RUNX2: variants seen among roughly 807,000 people sequenced by gnomAD.
RUNX2 encodes the protein RUNX family transcription factor 2.
Under a neutral mutation model 51.7 loss-of-function variants are expected in RUNX2, and 10 were observed. The observed-to-expected ratio is 0.19, with a 90% CI of 0.12 to 0.33. RUNX2 has a LOEUF of 0.33. RUNX2 is among the 10% of genes least tolerant of loss of function. The pLI is 1.00. For synonymous variants in RUNX2, 276 were observed against 273.6 expected (o/e 1.01, Z -0.09); for missense variants, 562 against 691.3 (o/e 0.81, Z 2.10).
chr6:45,476,487 A>G (rs928621631), intron 5 of RUNX2, among the ~76,000 whole-genome samples: 23 of 152,228 alleles, frequency 1.5e-4, no homozygotes, highest in Admixed American at 1.4e-3. Flanking sequence ...ACGAGAACAA[A>G]TTTTGCCTAC....
rs183378946 is a variant in RUNX2 at position 45,489,583 on chromosome 6, C to G, written c.686-2358C>G. On this transcript the variant is annotated intron_variant, in intron 5 of 8. Coordinates refer to ENST00000647337, the MANE Select transcript of RUNX2 (RefSeq NM_001024630.4). ...AGCCCTCCCCTCAGCCCTCAGGGAACCTGCCATTCCAAAAATATGGCCTAT... is the reference window on the plus strand; with the variant it reads ...AGCCCTCCCCTCAGCCCTCAGGGAAGCTGCCATTCCAAAAATATGGCCTAT... Among the ~76,000 whole-genome samples the G allele has an allele frequency of 2.3e-4, 35 of 152,342 alleles. 1 individual carries two copies. The East Asian group carries it at 4.1e-3, about 18-fold the overall frequency.
intron 2 of RUNX2, among the ~76,000 whole-genome samples, chr6:45,414,754 CTTTTTTTTTTTTT>C (rs34672680): frequency 3.0e-4 from 10 of 33,428 alleles, no homozygotes; most frequent in Admixed American, 1.9e-3. Flanking sequence ...CAGATCCTGG[CTTTTTTTTTTTTT>C]TTTTTTTTTT....
At chr6:45,335,734 A>C (rs1182802475) in intron 2 of RUNX2, among the ~76,000 whole-genome samples, 1 of 151,296 alleles carries the variant, frequency 6.6e-6, no homozygotes, top group African/African-American at 2.4e-5. Flanking sequence ...TTAAGACACC[A>C]TGAAGTAATC....
At chr6:45,431,769 C>G (rs571087216) in intron 3 of RUNX2, 94 bp from the exon 4 acceptor site, 1 of 1,411,748 alleles carries the variant, frequency 7.1e-7, no homozygotes, top group South Asian at 1.2e-5. Flanking sequence ...AACACTAAGT[C>G]CTGATAAGAC....
intron 7 of RUNX2, among the ~76,000 whole-genome samples, chr6:45,534,111 T>G (rs1288994326): frequency 6.6e-6 from 1 of 151,996 alleles, no homozygotes; most frequent in Non-Finnish European, 1.5e-5. Flanking sequence ...GTCAGGCTGG[T>G]CTCAAACTCC....
At chr6:45,422,396 T>C (rs1387308055) in intron 2 of RUNX2, 197 bp from the exon 3 acceptor site, 4 of 597,954 alleles carry the variant, frequency 6.7e-6, no homozygotes, top group Non-Finnish European at 1.2e-5. Context: ...CCAGACTCTG[T>C]TGGCCCATCA....
intron 7 of RUNX2, among the ~76,000 whole-genome samples, chr6:45,524,059 T>C (rs1043173683): frequency 1.3e-5 from 2 of 152,228 alleles, no homozygotes; most frequent in Admixed American, 1.3e-4. Context: ...TTCAAAGTCA[T>C]TTGTGGACAA....
At chr6:45,395,535 A>C (rs1328721639) in intron 2 of RUNX2, among the ~76,000 whole-genome samples, 2 of 152,240 alleles carry the variant, frequency 1.3e-5, no homozygotes, top group Non-Finnish European at 2.9e-5. Context: ...TAAAATAAGA[A>C]CATATAACAA....
intron 5 of RUNX2, among the ~76,000 whole-genome samples, chr6:45,470,728 C>T (rs949146989): frequency 6.6e-6 from 1 of 152,180 alleles, no homozygotes; most frequent in African/African-American, 2.4e-5. Flanking sequence ...CTTTTTGTAG[C>T]ACCATGATTG....
At chr6:45,333,501 AC>A (rs1349596328) in intron 2 of RUNX2, among the ~76,000 whole-genome samples, 1 of 151,570 alleles carries the variant, frequency 6.6e-6, no homozygotes, top group African/African-American at 2.4e-5. Flanking sequence ...AAGATTTGGA[AC>A]AGTGTTGAGT....
chr6:45,538,819 G>T (rs1470588568), intron 7 of RUNX2, among the ~76,000 whole-genome samples: 4 of 152,062 alleles, frequency 2.6e-5, no homozygotes, highest in African/African-American at 9.7e-5. Flanking sequence ...ACAGACGTGT[G>T]CATGGGCTGG....
intron 2 of RUNX2, among the ~76,000 whole-genome samples, chr6:45,382,125 G>C (rs144134321): frequency 6.6e-6 from 1 of 152,100 alleles, no homozygotes; most frequent in African/African-American, 2.4e-5. Flanking sequence ...AGTTGTTCCC[G>C]TTCCCATGGA....
rs542690850 is a variant in RUNX2, at chr6:45,346,502, TCTTA to T, written c.58+17722_58+17725del. 6.4e-4 allele frequency among the ~76,000 whole-genome samples: 97 copies of T among 151,934 alleles called. 2 individuals are homozygous for T. The highest frequency in any genetic ancestry group is 1.9e-3 in the South Asian group (9 of 4,808). ...TACACAAGAATTCCCTCTCTCCCAC[TCTTA>T]CTTTCTTTTCACATCATCTAGCCAA... On this transcript the variant is annotated intron_variant, in intron 2 of 8. Coordinates refer to ENST00000647337, the MANE Select transcript of RUNX2 (RefSeq NM_001024630.4).
chr6:45,431,310 TA>T (rs1299306785), intron 3 of RUNX2, among the ~76,000 whole-genome samples: 1 of 152,174 alleles, frequency 6.6e-6, no homozygotes, highest in Non-Finnish European at 1.5e-5. Context: ...TATACTTTAT[TA>T]AAAGCTGAAG....
At chr6:45,348,928 T>C (rs1791476108) in intron 2 of RUNX2, among the ~76,000 whole-genome samples, 1 of 152,172 alleles carries the variant, frequency 6.6e-6, no homozygotes. Context: ...AGAGTCCTTA[T>C]CACAATTTAT....
chr6:45,536,051 A>G (rs1316253057), intron 7 of RUNX2, among the ~76,000 whole-genome samples: 1 of 151,986 alleles, frequency 6.6e-6, no homozygotes, highest in Non-Finnish European at 1.5e-5. Context: ...GTAGGCAAAC[A>G]TGAACAAGGA....
chr6:45,432,833 A>G (rs1798581265), intron 4 of RUNX2, among the ~76,000 whole-genome samples: 1 of 152,208 alleles, frequency 6.6e-6, no homozygotes, highest in Admixed American at 6.5e-5. Context: ...TATTAGAAGC[A>G]TTATGCTTAT....
At chr6:45,387,966 T>A (rs1028262989) in intron 2 of RUNX2, among the ~76,000 whole-genome samples, 1 of 152,152 alleles carries the variant, frequency 6.6e-6, no homozygotes, top group South Asian at 2.1e-4. Context: ...TCCCAAGAAA[T>A]TGGCCTGTGA....
intron 6 of RUNX2, among the ~76,000 whole-genome samples, chr6:45,507,743 AC>A (rs1801016405): frequency 6.6e-6 from 1 of 152,226 alleles, no homozygotes; most frequent in South Asian, 2.1e-4. Flanking sequence ...AAGGATATCA[AC>A]GTGACTAACA....
Sources: gnomAD v4.1 joint callset for allele counts (sites outside exome capture counted in the v4.1 genomes callset) on GRCh38, gnomAD v4.1.1 for gene constraint, MANE v1.5 for transcripts, NCBI Gene and HGNC (gene_info 2026-07-23, HGNC 2026-07-21) for gene names.